The following ZNF33A variants were observed in gnomAD, a reference collection of about 807,000 sequenced individuals.
ZNF33A encodes brain my041 protein.
Under a neutral mutation model 15.9 loss-of-function variants are expected in ZNF33A, and 9 were observed. The observed-to-expected ratio is 0.57, with a 90% CI of 0.34 to 0.99. The LOEUF (loss-of-function observed/expected upper bound fraction) is 0.99, where lower values mean the gene tolerates loss of function less well. ZNF33A is among the 50% of genes least tolerant of loss of function. The pLI, the probability that ZNF33A is intolerant of heterozygous loss-of-function variation, is 0.02. For missense variants in ZNF33A, 843 were observed against 941.6 expected, an observed-to-expected ratio of 0.90 and a Z score of 1.37; for synonymous variants, 294 against 324.2, an observed-to-expected ratio of 0.91 and a Z score of 1.00.
rs2066516076 is a variant in ZNF33A at position 38,057,111 on chromosome 10, T to G, written c.*551T>G. The G allele has an allele frequency of 1.4e-6, 1 of 707,106 alleles. No individual in the cohort carries two copies. The highest frequency in any genetic ancestry group is 1.9e-5 in the African/African-American group (1 of 51,938). 43.8% of individuals were successfully genotyped at this position (707,106 alleles called of 1,614,324 possible). Reference sequence around the variant, plus strand: ...AGATTTTACTATGGTTTGCATGCACTCTGTGTGTGTGTGTACGTGTATGTG... The same window carrying G: ...AGATTTTACTATGGTTTGCATGCACGCTGTGTGTGTGTGTACGTGTATGTG... On this transcript the variant is annotated 3_prime_UTR_variant, in exon 5 of 5. Transcript: ENST00000432900.
intron 4 of ZNF33A, among the ~76,000 whole-genome samples, chr10:38,021,508 G>A (rs2064744575): frequency 6.6e-6 from 1 of 151,622 alleles, no homozygotes; most frequent in South Asian, 2.1e-4. Context: ...AGGCATGGTG[G>A]CGCATGCCTG....
chr10:38,053,175 C>T (rs1281580726), intron 4 of ZNF33A, among the ~76,000 whole-genome samples: 2 of 152,050 alleles, frequency 1.3e-5, no homozygotes, highest in Non-Finnish European at 2.9e-5. Context: ...TTGACTCAGG[C>T]TGCTGTAACA....
At chr10:38,019,919 G>T (rs923357535) in intron 4 of ZNF33A, among the ~76,000 whole-genome samples, 1 of 152,154 alleles carries the variant, frequency 6.6e-6, no homozygotes, top group African/African-American at 2.4e-5. Context: ...TTTAAAAGTG[G>T]GGAGAGTAAA....
At chr10:38,054,095 C>T (rs949210339) in intron 4 of ZNF33A, among the ~76,000 whole-genome samples, 11 of 152,184 alleles carry the variant, frequency 7.2e-5, no homozygotes, top group African/African-American at 2.7e-4. Flanking sequence ...ATGTAAGCAG[C>T]TGCTATTATT....
At chr10:38,024,507 A>T (rs562761283) in intron 4 of ZNF33A, among the ~76,000 whole-genome samples, 1 of 152,342 alleles carries the variant, frequency 6.6e-6, no homozygotes, top group Non-Finnish European at 1.5e-5. Flanking sequence ...GTTTAATGGC[A>T]TTCCTGTCAA....
Position 38,054,628 on chromosome 10 carries a change from T to A in ZNF33A, c.504T>A (p.Asp168Glu). Residue 168 changes from aspartate to glutamate, a missense_variant, in exon 5 of 5, where the codon GAT (aspartate) becomes GAA (glutamate). By Grantham distance (45) the Asp-to-Glu change is conservative. Transcript: ENST00000432900. ...SKINYLGKKSDEFNACGKLLL... is the reference protein window; with the variant it reads ...SKINYLGKKSEEFNACGKLLL... ...TAAACTATTTAGGAAAAAAGTCTGATGAATTTAATGCCTGTGGGAAATTGT... is the reference window on the plus strand; with the variant it reads ...TAAACTATTTAGGAAAAAAGTCTGAAGAATTTAATGCCTGTGGGAAATTGT... 3 of 1,612,588 alleles carry A rather than the reference T, an allele frequency of 1.9e-6. No homozygotes were observed. The highest frequency in any genetic ancestry group is 2.5e-6 in the Non-Finnish European group (3 of 1,179,628).
intron 4 of ZNF33A, among the ~76,000 whole-genome samples, chr10:38,019,413 CTT>C (rs1239113394): frequency 6.6e-6 from 1 of 152,112 alleles, no homozygotes; most frequent in African/African-American, 2.4e-5. Context: ...GGTTCCAAGT[CTT>C]TGCTATTGTG....
At chr10:38,011,002 T>C (rs553195) in intron 1 of ZNF33A, among the ~76,000 whole-genome samples, 2 of 151,972 alleles carry the variant, frequency 1.3e-5, no homozygotes, top group African/African-American at 4.8e-5. Flanking sequence ...TGTCGCCCCA[T>C]TTGTGGGGGC....
At chr10:38,020,369 C>A (rs534280131) in intron 4 of ZNF33A, among the ~76,000 whole-genome samples, 34 of 152,226 alleles carry the variant, frequency 2.2e-4, no homozygotes, top group African/African-American at 7.7e-4. Flanking sequence ...CAGTTATACT[C>A]TTTTAGTCAC....
chr10:38,064,391 C>T, downstream of ZNF33A: 1 of 412,694 alleles, frequency 2.4e-6, no homozygotes, highest in Non-Finnish European at 4.3e-6. Flanking sequence ...CTTCTCGTGT[C>T]CTTGGAGCTG....
chr10:38,038,920 A>C (rs1025160025), intron 4 of ZNF33A, among the ~76,000 whole-genome samples: 3 of 152,202 alleles, frequency 2.0e-5, no homozygotes, highest in African/African-American at 7.2e-5. Context: ...AATTACTAGG[A>C]TAAATCACAC....
chr10:38,042,503 C>CTTTT (rs34942508), intron 4 of ZNF33A, among the ~76,000 whole-genome samples: 43 of 135,514 alleles, frequency 3.2e-4, no homozygotes, highest in African/African-American at 1.1e-3. Flanking sequence ...TTGCTTTATT[C>CTTTT]TTTTTTTTTT....
intron 2 of ZNF33A, among the ~76,000 whole-genome samples, chr10:38,012,784 C>T (rs536932244): frequency 6.6e-6 from 1 of 152,066 alleles, no homozygotes; most frequent in East Asian, 1.9e-4. Context: ...ATTGAACTTC[C>T]CAGAAAATAT....
At chr10:38,026,697 A>C (rs2065006922) in intron 4 of ZNF33A, among the ~76,000 whole-genome samples, 1 of 152,132 alleles carries the variant, frequency 6.6e-6, no homozygotes, top group South Asian at 2.1e-4. Context: ...AGCAAACCCA[A>C]AGTTTTCCTT....
intron 4 of ZNF33A, among the ~76,000 whole-genome samples, chr10:38,021,546 TAGG>T (rs1276217177): frequency 6.6e-6 from 1 of 151,842 alleles, no homozygotes; most frequent in African/African-American, 2.4e-5. Context: ...GAAGCTGAGG[TAGG>T]AGAATCGCTT....
chr10:38,011,082 T>C (rs1314549637), intron 1 of ZNF33A, among the ~76,000 whole-genome samples: 6 of 151,410 alleles, frequency 4.0e-5, no homozygotes, highest in Non-Finnish European at 8.9e-5. Context: ...TTCTCTTGTC[T>C]AGCCTGTGCG....
intron 4 of ZNF33A, among the ~76,000 whole-genome samples, chr10:38,023,792 C>A (rs187313010): frequency 1.3e-5 from 2 of 152,016 alleles, no homozygotes; most frequent in African/African-American, 2.4e-5. Context: ...AAGTCATACA[C>A]GTAGAGAAGA....
chr10:38,034,906 C>T (rs1403588141), intron 4 of ZNF33A, among the ~76,000 whole-genome samples: 2 of 152,090 alleles, frequency 1.3e-5, no homozygotes, highest in East Asian at 3.9e-4. Context: ...GGGAAATACA[C>T]GTGTATAAAC....
At chr10:38,039,993 G>A (rs1369348708) in intron 4 of ZNF33A, among the ~76,000 whole-genome samples, 2 of 151,720 alleles carry the variant, frequency 1.3e-5, no homozygotes, top group East Asian at 3.9e-4. Context: ...TTTAAATATG[G>A]TTATTACAGC....
Sources: gnomAD v4.1 joint callset for allele counts (sites outside exome capture counted in the v4.1 genomes callset) on GRCh38, gnomAD v4.1.1 for gene constraint, MANE v1.5 for transcripts, NCBI Gene and HGNC (gene_info 2026-07-23, HGNC 2026-07-21) for gene names.